The following RABEP1 variants were observed in gnomAD, a reference collection of about 807,000 sequenced individuals.
RABEP1 encodes the protein rabaptin, RAB GTPase binding effector protein 1.
RABEP1 carries 51 observed loss-of-function variants against 123.4 expected under a neutral mutation model. The ratio of observed to expected loss-of-function variants is 0.41; its 90% CI spans 0.33 to 0.52. The LOEUF is 0.52. RABEP1 is among the 20% of genes least tolerant of loss of function. The pLI is 0.16. For missense variants in RABEP1, 888 were observed against 996.3 expected, an observed-to-expected ratio of 0.89 and a Z score of 1.46; for synonymous variants, 347 against 355.2, an observed-to-expected ratio of 0.98 and a Z score of 0.26.
At chr17:5,349,623 A>G (rs868322034) in intron 6 of RABEP1, among the ~76,000 whole-genome samples, 4 of 152,176 alleles carry the variant, frequency 2.6e-5, no homozygotes, top group Admixed American at 2.0e-4. Context: ...TATTAAACAC[A>G]ATTAGGAGTG....
In RABEP1 at chr17:5,319,857, G is replaced by A. The variant is rs571416098; in HGVS notation, c.163+11035G>A. Among the ~76,000 whole-genome samples, 27 of 152,246 alleles carry A rather than the reference G, an allele frequency of 1.8e-4. 1 individual carries two copies. The South Asian group carries it at 5.6e-3, about 32-fold the overall frequency. ...CAAAGAGGACAAAAAAGAATAAAAA[G>A]CAGTGAAGATGACCTACAGGATGTA... On this transcript the variant is annotated intron_variant, in intron 2 of 17. Transcript: ENST00000537505.
At chr17:5,285,240 A>T (rs1192643359) in intron 1 of RABEP1, among the ~76,000 whole-genome samples, 1 of 151,938 alleles carries the variant, frequency 6.6e-6, no homozygotes. Flanking sequence ...TATTTCTTTT[A>T]ATCTAAGTTC....
chr17:5,320,192 C>T (rs2075339357), intron 2 of RABEP1, among the ~76,000 whole-genome samples: 1 of 150,968 alleles, frequency 6.6e-6, no homozygotes, highest in Non-Finnish European at 1.5e-5. Flanking sequence ...CTTCTTAGTA[C>T]AAACCATAAA....
intron 1 of RABEP1, among the ~76,000 whole-genome samples, chr17:5,304,171 C>T (rs572529925): frequency 6.6e-6 from 1 of 152,114 alleles, no homozygotes; most frequent in South Asian, 2.1e-4. Context: ...ATTATTAGGT[C>T]TTTACTCCAT....
intron 11 of RABEP1, among the ~76,000 whole-genome samples, chr17:5,367,860 A>G (rs1459226767): frequency 6.7e-6 from 1 of 150,310 alleles, no homozygotes; most frequent in Non-Finnish European, 1.5e-5. Flanking sequence ...TTTTCAAGCA[A>G]TTCTCCTGCC....
Position 5,332,285 on chromosome 17 carries a change from T to C in RABEP1, c.367+133T>C, listed in dbSNP as rs16954539. The C allele has an allele frequency of 6.0e-3, 4,809 of 805,832 alleles. 162 individuals carry two copies. In the African/African-American group the frequency reaches 0.074, roughly 12 times the overall value. The allele number at this position is 805,832 out of a possible 1,614,324, so 49.9% of individuals were successfully genotyped here. A position where few individuals can be genotyped will look rare whatever the true frequency, so the allele number is the denominator to read the frequency against. On this transcript the variant is annotated intron_variant, in intron 3 of 17. Coordinates refer to ENST00000537505, the MANE Select transcript of RABEP1 (RefSeq NM_004703.6). ...TTTATGTACTGTCATCATCAAGATA[T>C]ACTTTCAGATAAAAGAGAAGTCACT...
rs180940919 is a variant in RABEP1 at position 5,360,978 on chromosome 17, C to T, written c.1096-230C>T. On this transcript the variant is annotated intron_variant, in intron 8 of 17. Transcript: ENST00000537505. ...TACTTATCTTTTTTTTTTTTGAAGC[C>T]GTATGTATCTCGAGGTCAGGGATTA... 1,258 of 511,638 alleles carry T rather than the reference C, an allele frequency of 2.5e-3. 3 individuals are homozygous for T. Among genetic ancestry groups the T allele is most frequent in the Non-Finnish European group, 3.7e-3 (1,072 of 287,414 alleles). 31.7% of individuals were successfully genotyped at this position (511,638 alleles called of 1,614,324 possible). A position where few individuals can be genotyped will look rare whatever the true frequency, so the allele number is the denominator to read the frequency against.
chr17:5,350,964 C>T (rs1400501443), intron 7 of RABEP1, among the ~76,000 whole-genome samples: 1 of 152,158 alleles, frequency 6.6e-6, no homozygotes, highest in Non-Finnish European at 1.5e-5. Flanking sequence ...ACCTGCAGCT[C>T]TTGGCTTTGA....
At chr17:5,359,219 A>G (rs542057160) in intron 8 of RABEP1, among the ~76,000 whole-genome samples, 300 of 152,002 alleles carry the variant, frequency 2.0e-3, no homozygotes, top group East Asian at 6.4e-3. Context: ...GACTACAGGC[A>G]CCTGCCACCA....
At chr17:5,375,868 T>A (rs1328755986) in intron 13 of RABEP1, among the ~76,000 whole-genome samples, 2 of 148,556 alleles carry the variant, frequency 1.3e-5, no homozygotes, top group Non-Finnish European at 3.0e-5. Flanking sequence ...TTCATTTTAT[T>A]TATTTATTTA....
At chr17:5,375,254 T>G (rs901491298) in intron 13 of RABEP1, among the ~76,000 whole-genome samples, 4 of 152,176 alleles carry the variant, frequency 2.6e-5, no homozygotes, top group Non-Finnish European at 4.4e-5. Flanking sequence ...ATTTCATCAT[T>G]TACAAAAAAC....
At chr17:5,340,948 C>CA (rs61580974) in intron 5 of RABEP1, among the ~76,000 whole-genome samples, 32,672 of 117,668 alleles carry the variant, frequency 0.28, 4,619 homozygotes, top group African/African-American at 0.4. Context: ...AACTCCGTCT[C>CA]AAAAAAAAAA....
chr17:5,345,903 G>A (rs1269947300), intron 5 of RABEP1, among the ~76,000 whole-genome samples: 1 of 152,102 alleles, frequency 6.6e-6, no homozygotes, highest in African/African-American at 2.4e-5. Context: ...ATTTAGAATG[G>A]ACAATTTATG....
chr17:5,377,518 AAATTTTT>A (rs1267771042), intron 14 of RABEP1, among the ~76,000 whole-genome samples: 1,837 of 125,878 alleles, frequency 0.015, 21 homozygotes, highest in Middle Eastern at 0.047. Context: ...GTTATTTAAA[AAATTTTT>A]TTTTTTTTTT....
chr17:5,335,090 C>A (rs532307703), intron 3 of RABEP1, 94 bp from the exon 4 acceptor site: 1 of 1,039,730 alleles, frequency 9.6e-7, no homozygotes. Context: ...AGAAATTAGA[C>A]GTAAGCTTTT....
At chr17:5,324,292 A>T (rs1022744284) in intron 2 of RABEP1, among the ~76,000 whole-genome samples, 1 of 152,210 alleles carries the variant, frequency 6.6e-6, no homozygotes, top group African/African-American at 2.4e-5. Context: ...TGCATTTTGC[A>T]GTCAACTCAT....
At chr17:5,318,986 T>A (rs1045643827) in intron 2 of RABEP1, among the ~76,000 whole-genome samples, 1 of 152,156 alleles carries the variant, frequency 6.6e-6, no homozygotes, top group African/African-American at 2.4e-5. Context: ...TGTATAGATG[T>A]ATCAGAATAC....
intron 7 of RABEP1, among the ~76,000 whole-genome samples, chr17:5,352,553 G>A (rs1012738877): frequency 6.6e-6 from 1 of 151,760 alleles, no homozygotes; most frequent in Admixed American, 6.6e-5. Context: ...AAACTTGGCC[G>A]GGCGCGGATG....
chr17:5,324,903 A>T (rs1456878562), intron 2 of RABEP1, among the ~76,000 whole-genome samples: 2 of 152,240 alleles, frequency 1.3e-5, no homozygotes, highest in African/African-American at 4.8e-5. Context: ...TCATCCACTG[A>T]TGGTGGGAAT....
Sources: gnomAD v4.1 joint callset for allele counts (sites outside exome capture counted in the v4.1 genomes callset) on GRCh38, gnomAD v4.1.1 for gene constraint, MANE v1.5 for transcripts, NCBI Gene and HGNC (gene_info 2026-07-23, HGNC 2026-07-21) for gene names.